The following DIP2B variants were observed in gnomAD, a reference collection of about 807,000 sequenced individuals.
The protein encoded by DIP2B is DIP2 acetate--CoA ligase B (putative).
Under a neutral mutation model 198.0 loss-of-function variants are expected in DIP2B, and 76 were observed. The observed-to-expected ratio is 0.38, with a 90% CI of 0.32 to 0.46. The LOEUF is 0.46. Ranked by LOEUF, DIP2B falls within the 20% of genes least tolerant of loss-of-function variation. The probability of loss-of-function intolerance (pLI) is 0.99; values close to 1 mark genes in which losing one functional copy is unlikely to be tolerated. For synonymous variants in DIP2B, 701 were observed against 739.1 expected (o/e 0.95, Z 0.84); for missense variants, 1,559 against 1,978.4 (o/e 0.79, Z 4.02).
In DIP2B at chr12:50,620,544, C is replaced by G. The variant is rs974787196; in HGVS notation, c.101-5432C>G. On this transcript the variant is annotated intron_variant, in intron 1 of 37. Transcript: ENST00000301180. ...CAGTGTCTTCATACAAGGCTCTATG[C>G]CTGCCTCCACTCCTGCCAAGCGCTG... is the stretch of plus-strand genomic sequence containing the variant. 1.9e-4 allele frequency among the ~76,000 whole-genome samples: 29 copies of G among 152,266 alleles called. 1 individual carries two copies. Among genetic ancestry groups the G allele is most frequent in the African/African-American group, 6.7e-4 (28 of 41,540 alleles).
In DIP2B at chr12:50,623,511, A is replaced by ACACACACACACACACACG. The variant is rs1491544096; in HGVS notation, c.101-2447_101-2430dup. ...AACAATTTAGTATATAGCCTTCCAG[A>ACACACACACACACACACG]CACACACACACACACACGCACACAC... On this transcript the variant is annotated intron_variant, in intron 1 of 37. Coordinates refer to ENST00000301180, the MANE Select transcript of DIP2B (RefSeq NM_173602.3). Among the ~76,000 whole-genome samples, 3 of 132,936 alleles carry ACACACACACACACACACG rather than the reference A, an allele frequency of 2.3e-5. No homozygotes were observed. The East Asian group carries it at 6.2e-4, about 27-fold the overall frequency. 87.2% of individuals were successfully genotyped at this position (132,936 alleles called of 152,430 possible).
chr12:50,560,388 T>G (rs1473582146), intron 1 of DIP2B, among the ~76,000 whole-genome samples: 1 of 140,210 alleles, frequency 7.1e-6, no homozygotes, highest in Non-Finnish European at 1.5e-5. Flanking sequence ...GGAGCAAGAC[T>G]CCATCTCCAA....
intron 1 of DIP2B, among the ~76,000 whole-genome samples, chr12:50,573,642 A>G (rs983685373): frequency 2.0e-5 from 3 of 152,182 alleles, no homozygotes; most frequent in Admixed American, 6.5e-5. Context: ...TTATTTTTCT[A>G]ATGGAATCCC....
intron 36 of DIP2B, among the ~76,000 whole-genome samples, chr12:50,739,845 C>G (rs532829916): frequency 1.3e-5 from 2 of 152,230 alleles, no homozygotes; most frequent in Non-Finnish European, 2.9e-5. Context: ...AAGTGAGCGT[C>G]CCTGGCTAAA....
At chr12:50,541,400 A>G (rs892362148) in intron 1 of DIP2B, among the ~76,000 whole-genome samples, 11 of 139,462 alleles carry the variant, frequency 7.9e-5, no homozygotes, top group Non-Finnish European at 1.6e-4. Flanking sequence ...GACAAAGAAC[A>G]TTCTTTTTTT....
chr12:50,637,947 C>T (rs1593676451), intron 2 of DIP2B, among the ~76,000 whole-genome samples: 1 of 152,196 alleles, frequency 6.6e-6, no homozygotes, highest in Middle Eastern at 3.4e-3. Context: ...TATTTTTCTG[C>T]CAAGGAACAA....
rs187370535 is a variant in DIP2B, at chr12:50,540,817, G to A, written c.100+35577G>A. ...CTCCCAAAGTGCTGGGATTACAGGC[G>A]TGAGCCACCGCGCCCAGCCAGCTAT... is the stretch of plus-strand genomic sequence containing the variant. On this transcript the variant is annotated intron_variant, in intron 1 of 37. Coordinates refer to ENST00000301180, the MANE Select transcript of DIP2B (RefSeq NM_173602.3). 1.4e-4 allele frequency among the ~76,000 whole-genome samples: 22 copies of A among 151,930 alleles called. 1 individual carries two copies. The highest frequency in any genetic ancestry group is 4.8e-4 in the African/African-American group (20 of 41,430).
At chr12:50,653,873 AT>A (rs199966792) in intron 3 of DIP2B, among the ~76,000 whole-genome samples, 3 of 150,034 alleles carry the variant, frequency 2.0e-5, no homozygotes, top group African/African-American at 4.9e-5. Context: ...TCCTTTTGCT[AT>A]TTTTTTTGTT....
intron 35 of DIP2B, 101 bp from the exon 36 acceptor site, chr12:50,739,308 A>T: frequency 7.5e-7 from 1 of 1,327,402 alleles, no homozygotes; most frequent in Non-Finnish European, 1.0e-6. Context: ...TGTTGTTGTT[A>T]ATATAAAAAT....
intron 1 of DIP2B, among the ~76,000 whole-genome samples, chr12:50,537,541 C>T (rs535795468): frequency 6.6e-6 from 1 of 152,008 alleles, no homozygotes; most frequent in Non-Finnish European, 1.5e-5. Context: ...GGAAGACCAT[C>T]CCAGTCAACA....
At chr12:50,635,867 G>A (rs1395613211) in intron 2 of DIP2B, among the ~76,000 whole-genome samples, 1 of 152,150 alleles carries the variant, frequency 6.6e-6, no homozygotes, top group Non-Finnish European at 1.5e-5. Flanking sequence ...ACATTTTTGT[G>A]TTTATTTTTT....
At position 50,742,820 on chromosome 12, in the gene DIP2B, T is replaced by C. The variant is rs1277843450; in HGVS notation, c.4478+1281T>C. Among the ~76,000 whole-genome samples the C allele has an allele frequency of 2.0e-5, 3 of 151,940 alleles. No individual in the cohort carries two copies. In the East Asian group the frequency reaches 5.9e-4, roughly 30 times the overall value. On this transcript the variant is annotated intron_variant, in intron 37 of 37. Coordinates refer to ENST00000301180, the MANE Select transcript of DIP2B (RefSeq NM_173602.3). ...CTGAGGCAGGAAAATTGCTTGAACC[T>C]GGGAGGCGGAGGTTGCAATGGGCCA...
intron 17 of DIP2B, 131 bp downstream of exon 17, chr12:50,697,306 T>A: frequency 1.3e-6 from 1 of 766,142 alleles, no homozygotes; most frequent in South Asian, 2.0e-5. Context: ...TTTTTCCCAC[T>A]CTTGCTCAAA....
chr12:50,699,317 G>A, intron 19 of DIP2B, 115 bp downstream of exon 19: 8 of 1,442,470 alleles, frequency 5.5e-6, no homozygotes, highest in Non-Finnish European at 7.5e-6. Context: ...TGTGTACTCT[G>A]GAGCTAGACT....
At chr12:50,519,444 A>G (rs780337327) in intron 1 of DIP2B, among the ~76,000 whole-genome samples, 2 of 152,192 alleles carry the variant, frequency 1.3e-5, no homozygotes, top group African/African-American at 4.8e-5. Context: ...AAGTGCATCT[A>G]TAAAGTGAAA....
intron 2 of DIP2B, among the ~76,000 whole-genome samples, chr12:50,631,130 C>G (rs147183551): frequency 6.6e-6 from 1 of 151,086 alleles, no homozygotes; most frequent in Non-Finnish European, 1.5e-5. Flanking sequence ...CCTCCTCCTT[C>G]TTTTCTTTTT....
At chr12:50,718,196 C>T (rs574188846) in intron 23 of DIP2B, among the ~76,000 whole-genome samples, 1 of 152,300 alleles carries the variant, frequency 6.6e-6, no homozygotes, top group East Asian at 1.9e-4. Context: ...CCATTCCCGG[C>T]CATTATTCAC....
chr12:50,742,515 T>A (rs1940269796), intron 37 of DIP2B, among the ~76,000 whole-genome samples: 1 of 151,966 alleles, frequency 6.6e-6, no homozygotes, highest in Non-Finnish European at 1.5e-5. Flanking sequence ...TTAGTGAATA[T>A]GTCCTTCTTC....
chr12:50,707,984 G>A (rs1249977370), intron 21 of DIP2B, among the ~76,000 whole-genome samples: 2 of 151,594 alleles, frequency 1.3e-5, no homozygotes, highest in African/African-American at 4.8e-5. Flanking sequence ...TTCGCTTTCC[G>A]TTCCTTCTGC....
Sources: gnomAD v4.1 joint callset for allele counts (sites outside exome capture counted in the v4.1 genomes callset) on GRCh38, gnomAD v4.1.1 for gene constraint, MANE v1.5 for transcripts, NCBI Gene and HGNC (gene_info 2026-07-23, HGNC 2026-07-21) for gene names.